CLIP4: variants seen among roughly 807,000 people sequenced by gnomAD.
The protein encoded by CLIP4 is CAP-Gly domain containing linker protein family member 4, also known as CAP-Gly domain-containing linker protein 4.
CLIP4 carries 47 observed loss-of-function variants against 73.1 expected under a neutral mutation model. The observed-to-expected ratio is 0.64, with a 90% CI of 0.51 to 0.82. The LOEUF is 0.82. Among genes scored for constraint, CLIP4 ranks in the 40% least tolerant of loss-of-function variants. The pLI, the probability that CLIP4 is intolerant of heterozygous loss-of-function variation, is 0.00. For missense variants in CLIP4, 874 were observed against 852.9 expected (o/e 1.02, Z -0.31); for synonymous variants, 306 against 295.4 (o/e 1.04, Z -0.37).
At chr2:29,176,739 C>T (rs1668368204) in intron 15 of CLIP4, among the ~76,000 whole-genome samples, 1 of 152,226 alleles carries the variant, frequency 6.6e-6, no homozygotes, top group South Asian at 2.1e-4. Context: ...GTCTCCTGTC[C>T]TGTTGTTACC....
chr2:29,165,975 C>CAAAAAAAAAAA (rs35611841), intron 13 of CLIP4, among the ~76,000 whole-genome samples: 1 of 146,190 alleles, frequency 6.8e-6, no homozygotes, highest in African/African-American at 2.5e-5. Context: ...CCCTCTTCTT[C>CAAAAAAAAAAA]AAAAAAAAAA....
chr2:29,124,088 C>T (rs1194126004), intron 2 of CLIP4, among the ~76,000 whole-genome samples: 1 of 152,170 alleles, frequency 6.6e-6, no homozygotes, highest in African/African-American at 2.4e-5. Flanking sequence ...TTCTAGTGCT[C>T]TTCATTCCTT....
chr2:29,156,394 A>G lies in CLIP4; in HGVS notation c.1206A>G (p.Thr402=). 1.3e-6 allele frequency: 2 copies of G among 1,589,860 alleles called. No homozygotes were observed. Among genetic ancestry groups the G allele is most frequent in the Non-Finnish European group, 1.7e-6 (2 of 1,174,266 alleles). Residue 402 remains threonine (T), a synonymous_variant, in exon 10 of 16, where the codon ACA becomes ACG. Coordinates refer to ENST00000320081, the MANE Select transcript of CLIP4 (RefSeq NM_024692.6). ...AAAAAGATAGTGCTTCTGAGTCAAC[A>G]CTTTCATTGCCTCCTGGTGAAGAAC... is the stretch of plus-strand genomic sequence containing the variant. ...TSKKDSASES[T]LSLPPGEELK...
chr2:29,148,271 C>T (rs1404284717), intron 8 of CLIP4, among the ~76,000 whole-genome samples: 1 of 152,188 alleles, frequency 6.6e-6, no homozygotes, highest in East Asian at 1.9e-4. Context: ...AGGAATTTCT[C>T]AACAATGGTT....
chr2:29,147,877 T>G (rs946534378), intron 8 of CLIP4, among the ~76,000 whole-genome samples: 3 of 152,172 alleles, frequency 2.0e-5, no homozygotes, highest in Admixed American at 6.5e-5. Flanking sequence ...TGGTTAGTAG[T>G]TTGAGGTTAA....
chr2:29,173,393 T>C (rs998599116), intron 14 of CLIP4, among the ~76,000 whole-genome samples: 1 of 152,178 alleles, frequency 6.6e-6, no homozygotes, highest in Non-Finnish European at 1.5e-5. Flanking sequence ...AGTGAGCTGT[T>C]GGGGATCCTC....
chr2:29,121,607 G>A, intron 2 of CLIP4, 86 bp downstream of exon 2: 1 of 1,443,324 alleles, frequency 6.9e-7, no homozygotes, highest in Non-Finnish European at 9.4e-7. Context: ...GTCTTTCTTA[G>A]AACCATTTTT....
intron 14 of CLIP4, among the ~76,000 whole-genome samples, chr2:29,171,940 A>G (rs1668032273): frequency 6.8e-6 from 1 of 147,836 alleles, no homozygotes. Context: ...TTTGTTTTCT[A>G]TTCACTTTTT....
rs116153988 is a variant in CLIP4, at chr2:29,136,655, G to A, written c.648+989G>A. On this transcript the variant is annotated intron_variant, in intron 6 of 15. Coordinates refer to ENST00000320081, the MANE Select transcript of CLIP4 (RefSeq NM_024692.6). ...CATCTTCCCAAGGCTTCAACAGGGG[G>A]TGACATCTAAATCAAGTGCTTACAT... Among the ~76,000 whole-genome samples the A allele has an allele frequency of 3.7e-3, 561 of 152,212 alleles. 7 individuals are homozygous for A. Among genetic ancestry groups the A allele is most frequent in the African/African-American group, 0.012 (515 of 41,530 alleles).
At chr2:29,159,239 G>T (rs545486070) in intron 11 of CLIP4, among the ~76,000 whole-genome samples, 180 of 152,162 alleles carry the variant, frequency 1.2e-3, no homozygotes, top group African/African-American at 4.1e-3. Flanking sequence ...CTGTGTTTTT[G>T]ATTTCTTCTT....
In CLIP4 at chr2:29,182,737, TACTTA is replaced by T. The variant is rs2148129298; in HGVS notation, c.*849_*853del. On this transcript the variant is annotated 3_prime_UTR_variant, in exon 16 of 16. Coordinates refer to ENST00000320081, the MANE Select transcript of CLIP4 (RefSeq NM_024692.6). ...TAATTAGATTTTTTTTGCACAGACT[TACTTA>T]ACTTCCTTATTGGATATGTTTGTAA... The T allele has an allele frequency of 6.5e-6, 1 of 152,768 alleles. No homozygotes were observed. The highest frequency in any genetic ancestry group is 2.1e-4 in the South Asian group (1 of 4,834). 9.5% of individuals were successfully genotyped at this position (152,768 alleles called of 1,614,324 possible). A position where few individuals can be genotyped will look rare whatever the true frequency, so the allele number is the denominator to read the frequency against.
At chr2:29,159,495 C>A (rs57208562) in intron 11 of CLIP4, among the ~76,000 whole-genome samples, 1 of 151,964 alleles carries the variant, frequency 6.6e-6, no homozygotes, top group African/African-American at 2.4e-5. Context: ...TGGTTTTGTT[C>A]TTAATAACAA....
intron 6 of CLIP4, among the ~76,000 whole-genome samples, chr2:29,142,991 C>T (rs187721881): frequency 1.6e-4 from 25 of 152,258 alleles, no homozygotes; most frequent in Admixed American, 1.6e-3. Flanking sequence ...ATAGTGAAAA[C>T]AGAGCTTTTT....
At chr2:29,131,601 A>G (rs569538610) in intron 3 of CLIP4, 114 of 458,368 alleles carry the variant, frequency 2.5e-4, no homozygotes, top group African/African-American at 2.2e-3. Context: ...TACTTCTGAC[A>G]TTTGTAGACT....
At chr2:29,134,909 TA>T (rs1283924455) in intron 5 of CLIP4, among the ~76,000 whole-genome samples, 1 of 152,218 alleles carries the variant, frequency 6.6e-6, no homozygotes, top group East Asian at 1.9e-4. Flanking sequence ...TTTCTATGCT[TA>T]ATTAGACTTT....
At chr2:29,156,970 C>G (rs3112919) in intron 10 of CLIP4, among the ~76,000 whole-genome samples, 12 of 152,088 alleles carry the variant, frequency 7.9e-5, no homozygotes, top group African/African-American at 2.9e-4. Context: ...ATACCTCTTA[C>G]ATAAGATTGT....
At position 29,133,684 on chromosome 2, in the gene CLIP4, A is replaced by G. The variant is rs776709308; in HGVS notation, c.397A>G (p.Thr133Ala). Residue 133 changes from threonine (T) to alanine (A), a missense_variant, in exon 5 of 16, where the codon ACT becomes GCT. Physicochemically the swap from Thr to Ala is moderately conservative, Grantham distance 58. Transcript: ENST00000320081. ...GDVETAVKFA[T>A]QLIDLGADIS... Reference sequence around the variant, plus strand: ...TGTGGAAACAGCTGTAAAATTTGCAACTCAGCTTATTGACCTGGGAGCAGA... The same window carrying G: ...TGTGGAAACAGCTGTAAAATTTGCAGCTCAGCTTATTGACCTGGGAGCAGA... 21 of 1,612,024 alleles carry G rather than the reference A, an allele frequency of 1.3e-5. No homozygotes were observed. Among genetic ancestry groups the G allele is most frequent in the Non-Finnish European group, 1.7e-5 (20 of 1,179,472 alleles).
At chr2:29,180,211 A>G (rs1351402463) in intron 15 of CLIP4, among the ~76,000 whole-genome samples, 1 of 152,048 alleles carries the variant, frequency 6.6e-6, no homozygotes, top group Non-Finnish European at 1.5e-5. Context: ...GGTAGTTTTG[A>G]TGGTTTCTTT....
chr2:29,126,000 C>T (rs1474421615), intron 2 of CLIP4, among the ~76,000 whole-genome samples: 1 of 152,034 alleles, frequency 6.6e-6, no homozygotes, highest in Admixed American at 6.5e-5. Context: ...CATGGTGAAA[C>T]CCTGTCTCTA....
Sources: gnomAD v4.1 joint callset for allele counts (sites outside exome capture counted in the v4.1 genomes callset) on GRCh38, gnomAD v4.1.1 for gene constraint, MANE v1.5 for transcripts, NCBI Gene and HGNC (gene_info 2026-07-23, HGNC 2026-07-21) for gene names.